STAG1: variants seen among roughly 807,000 people sequenced by gnomAD.
STAG1 encodes the protein cohesin subunit SA-1.
In STAG1, 26 loss-of-function variants were observed where a neutral mutation model predicts 170.9. The observed-to-expected ratio is 0.15, with a 90% CI of 0.11 to 0.21. The LOEUF (loss-of-function observed/expected upper bound fraction) is 0.21. STAG1 is among the 10% of genes least tolerant of loss of function. STAG1 has a pLI of 1.00. For synonymous variants in STAG1, 514 were observed against 497.7 expected, an observed-to-expected ratio of 1.03 and a Z score of -0.44; for missense variants, 964 against 1,509.5, an observed-to-expected ratio of 0.64 and a Z score of 5.99.
At position 136,367,012 on chromosome 3, in the gene STAG1, G is replaced by A; in HGVS notation, c.2616C>T (p.Phe872=). The A allele has an allele frequency of 6.2e-7, 1 of 1,611,168 alleles. No individual in the cohort carries two copies. The highest frequency in any genetic ancestry group is 8.5e-7 in the Non-Finnish European group (1 of 1,177,948). Residue 872 remains phenylalanine (F), a synonymous_variant, in exon 25 of 34, where the codon TTC becomes TTT. Coordinates refer to ENST00000383202, the MANE Select transcript of STAG1 (RefSeq NM_005862.3). ...CAATGTCATAAATGATAAGTTTGCT[G>A]AAAGCAGCAAGTAGATTCCTTCTTT... ...LHKRRNLLAA[F]SKLIIYDIVD... is the part of the protein sequence containing the mutation.
At chr3:136,401,391 T>A (rs1458854470) in intron 21 of STAG1, among the ~76,000 whole-genome samples, 1 of 152,226 alleles carries the variant, frequency 6.6e-6, no homozygotes, top group Non-Finnish European at 1.5e-5. Flanking sequence ...ATCCTATTCC[T>A]GATGCTCTAA....
intron 1 of STAG1, among the ~76,000 whole-genome samples, chr3:136,723,150 C>T (rs1294217100): frequency 2.0e-5 from 3 of 152,300 alleles, no homozygotes; most frequent in Admixed American, 1.3e-4. Flanking sequence ...TGCCCGGCCG[C>T]CCATCGTCTG....
At chr3:136,580,340 CAATA>C (rs1359757884) in intron 4 of STAG1, among the ~76,000 whole-genome samples, 3 of 151,584 alleles carry the variant, frequency 2.0e-5, no homozygotes, top group Non-Finnish European at 4.4e-5. Context: ...AGATACGAAT[CAATA>C]AATACTAGGT....
At chr3:136,356,608 C>CG (rs1202548202) in intron 28 of STAG1, among the ~76,000 whole-genome samples, 4 of 152,090 alleles carry the variant, frequency 2.6e-5, no homozygotes, top group African/African-American at 9.7e-5. Flanking sequence ...TCTTGAACTC[C>CG]TGGACTCAAG....
At chr3:136,615,767 G>C (rs1460905220) in intron 3 of STAG1, among the ~76,000 whole-genome samples, 1 of 137,324 alleles carries the variant, frequency 7.3e-6, no homozygotes, top group Admixed American at 7.3e-5. Context: ...AATAGAGCAA[G>C]ACTCCAAATC....
At chr3:136,444,843 A>C (rs2088731232) in intron 14 of STAG1, among the ~76,000 whole-genome samples, 1 of 151,566 alleles carries the variant, frequency 6.6e-6, no homozygotes, top group Middle Eastern at 3.4e-3. Context: ...CTCTATAATC[A>C]CTCTTAACTT....
chr3:136,462,264 T>C (rs2089295821), intron 13 of STAG1, among the ~76,000 whole-genome samples: 1 of 152,138 alleles, frequency 6.6e-6, no homozygotes, highest in Non-Finnish European at 1.5e-5. Flanking sequence ...ACAGCACTAT[T>C]CATAGTAGTG....
At chr3:136,464,054 TA>T (rs1315525008) in intron 13 of STAG1, among the ~76,000 whole-genome samples, 1 of 151,490 alleles carries the variant, frequency 6.6e-6, no homozygotes, top group African/African-American at 2.4e-5. Flanking sequence ...TACAAAAAAA[TA>T]AGGTTTAAAA....
rs890540976 is a variant in STAG1 at position 136,502,094 on chromosome 3, T to C, written c.828+534A>G. 3.9e-5 allele frequency among the ~76,000 whole-genome samples: 6 copies of C among 152,076 alleles called. 1 individual carries two copies. Among genetic ancestry groups the C allele is most frequent in the Non-Finnish European group, 7.4e-5 (5 of 68,012 alleles). On this transcript the variant is annotated intron_variant, in intron 8 of 33. Transcript: ENST00000383202. The stretch of plus-strand genomic sequence containing the variant: ...TACTTGGGAGGCTGAGGCAGGAGAA[T>C]TGCTTTTGGGGAGGTGGAGGTTGCG...
intron 15 of STAG1, among the ~76,000 whole-genome samples, chr3:136,441,672 T>C (rs2088635754): frequency 6.6e-6 from 1 of 152,066 alleles, no homozygotes; most frequent in African/African-American, 2.4e-5. Flanking sequence ...GCATGGGTAG[T>C]CTACTGCGGG....
chr3:136,412,367 G>A (rs778936984), intron 21 of STAG1, among the ~76,000 whole-genome samples: 6 of 152,158 alleles, frequency 3.9e-5, no homozygotes, highest in Non-Finnish European at 8.8e-5. Context: ...AGTAATAACT[G>A]AGTCAGGCAA....
chr3:136,746,323 C>A (rs1202484064), intron 1 of STAG1, among the ~76,000 whole-genome samples: 1 of 151,960 alleles, frequency 6.6e-6, no homozygotes, highest in African/African-American at 2.4e-5. Flanking sequence ...ATTTTAATTC[C>A]CAGTTATATC....
rs1029517804 is a variant in STAG1, at chr3:136,393,519, T to C, written c.2277+5230A>G. Among the ~76,000 whole-genome samples the C allele has an allele frequency of 4.0e-5, 6 of 150,022 alleles. No homozygotes were observed. In the East Asian group the frequency reaches 1.2e-3, roughly 30 times the overall value. ...AAGATTCTGTCTCAAAACAAACAAA[T>C]GAACAAACGAGCAAACAAAATGTAA... On this transcript the variant is annotated intron_variant, in intron 22 of 33. Coordinates refer to ENST00000383202, the MANE Select transcript of STAG1 (RefSeq NM_005862.3).
intron 1 of STAG1, among the ~76,000 whole-genome samples, chr3:136,655,373 T>G (rs1941340035): frequency 6.6e-6 from 1 of 152,200 alleles, no homozygotes; most frequent in African/African-American, 2.4e-5. Context: ...AGTAAGCACG[T>G]GAAAAGATGC....
intron 10 of STAG1, among the ~76,000 whole-genome samples, chr3:136,475,081 C>T (rs1209857066): frequency 6.6e-6 from 1 of 150,618 alleles, no homozygotes; most frequent in Non-Finnish European, 1.5e-5. Context: ...CCTGAAACCA[C>T]ATTTTCATTA....
At chr3:136,661,054 G>A (rs185392416) in intron 1 of STAG1, among the ~76,000 whole-genome samples, 19 of 152,270 alleles carry the variant, frequency 1.2e-4, no homozygotes, top group Admixed American at 4.6e-4. Flanking sequence ...TAACAAGGAT[G>A]AAAAAGGTAA....
chr3:136,675,772 T>G (rs56745201), intron 1 of STAG1, among the ~76,000 whole-genome samples: 82 of 152,198 alleles, frequency 5.4e-4, no homozygotes, highest in African/African-American at 2.0e-3. Flanking sequence ...CATTTTCATA[T>G]ACATGAAATC....
intron 12 of STAG1, among the ~76,000 whole-genome samples, chr3:136,466,548 G>A (rs932391825): frequency 1.3e-5 from 2 of 152,196 alleles, no homozygotes; most frequent in Non-Finnish European, 2.9e-5. Context: ...GAAAGTGACA[G>A]GAAGAATGGA....
intron 1 of STAG1, among the ~76,000 whole-genome samples, chr3:136,680,169 G>A (rs1942287629): frequency 6.6e-6 from 1 of 152,148 alleles, no homozygotes; most frequent in East Asian, 1.9e-4. Context: ...TCTGAGGCAT[G>A]AGAATCACTT....
Sources: gnomAD v4.1 joint callset for allele counts (sites outside exome capture counted in the v4.1 genomes callset) on GRCh38, gnomAD v4.1.1 for gene constraint, MANE v1.5 for transcripts, NCBI Gene and HGNC (gene_info 2026-07-23, HGNC 2026-07-21) for gene names.